The following PTK2 variants were observed in gnomAD, a reference collection of about 807,000 sequenced individuals.
PTK2 encodes the protein focal adhesion kinase 1.
In PTK2, 45 loss-of-function variants were observed where a neutral mutation model predicts 150.1. That is an observed-to-expected ratio of 0.30 (90% CI 0.24 to 0.38). The LOEUF is 0.38. Ranked by LOEUF, PTK2 falls within the 10% of genes least tolerant of loss-of-function variation. The pLI, the probability that PTK2 is intolerant of heterozygous loss-of-function variation, is 1.00. For synonymous variants in PTK2, 432 were observed against 449.2 expected (o/e 0.96, Z 0.48); for missense variants, 919 against 1,307.3 (o/e 0.70, Z 4.58).
At chr8:140,818,543 G>A (rs116325479) in intron 9 of PTK2, among the ~76,000 whole-genome samples, 189 bp from the exon 10 acceptor site, 73 of 152,312 alleles carry the variant, frequency 4.8e-4, no homozygotes, top group African/African-American at 1.7e-3. Flanking sequence ...TGCACAAAGT[G>A]CACTGTGCTT....
At chr8:140,949,143 T>C (rs1335291068) in intron 1 of PTK2, among the ~76,000 whole-genome samples, 1 of 152,196 alleles carries the variant, frequency 6.6e-6, no homozygotes, top group Admixed American at 6.5e-5. Flanking sequence ...TTAATATTTC[T>C]ATATTTCTTA....
intron 1 of PTK2, among the ~76,000 whole-genome samples, chr8:140,971,108 T>G (rs746342662): frequency 5.3e-5 from 8 of 152,186 alleles, no homozygotes; most frequent in Non-Finnish European, 8.8e-5. Flanking sequence ...TCTCTAAGAA[T>G]AGTCTGTGTG....
chr8:140,686,553 G>T, intron 27 of PTK2, 79 bp downstream of exon 30: 1 of 1,078,836 alleles, frequency 9.3e-7, no homozygotes, highest in South Asian at 1.3e-5. Flanking sequence ...TAGTAAACTT[G>T]GATATATTGT....
intron 1 of PTK2, among the ~76,000 whole-genome samples, chr8:140,974,320 T>C (rs886589658): frequency 1.3e-5 from 2 of 152,244 alleles, no homozygotes; most frequent in African/African-American, 4.8e-5. Flanking sequence ...TTTATGGTAC[T>C]GGTGTATCCT....
intron 1 of PTK2, among the ~76,000 whole-genome samples, chr8:140,927,013 C>T (rs2100169706): frequency 1.3e-5 from 2 of 152,092 alleles, no homozygotes; most frequent in Admixed American, 1.3e-4. Flanking sequence ...GCTGTAATTG[C>T]TTTTTTCTTA....
intron 1 of PTK2, among the ~76,000 whole-genome samples, chr8:140,953,737 A>G (rs2100180279): frequency 6.6e-6 from 1 of 152,204 alleles, no homozygotes; most frequent in Non-Finnish European, 1.5e-5. Flanking sequence ...CAAGAGCACA[A>G]CACTGTGAAG....
intron 1 of PTK2, among the ~76,000 whole-genome samples, chr8:140,963,646 G>A (rs1013338696): frequency 1.3e-5 from 2 of 152,108 alleles, no homozygotes; most frequent in African/African-American, 4.8e-5. Flanking sequence ...TATGTCAACC[G>A]CTCAAAAGTC....
rs749495547 is a variant in PTK2, at chr8:140,674,397, T to G, written c.2610A>C (p.Ala870=). Residue 870 remains alanine (A), a synonymous_variant, in exon 29 of 32, where the codon GCA becomes GCC. Coordinates refer to ENST00000522684, the Ensembl canonical transcript of PTK2. ...GGCGAGGCGGTTTCTTTGGTGGAGCTGCAGGATCTGGTGAGAGAGAATGAT... is the reference window on the plus strand; with the variant it reads ...GGCGAGGCGGTTTCTTTGGTGGAGCGGCAGGATCTGGTGAGAGAGAATGAT... The G allele has an allele frequency of 1.9e-6, 3 of 1,592,670 alleles. No homozygotes were observed. In the African/African-American group the frequency reaches 4.0e-5, roughly 21 times the overall value.
intron 1 of PTK2, among the ~76,000 whole-genome samples, chr8:140,937,602 C>G (rs960816781): frequency 6.9e-6 from 1 of 145,632 alleles, no homozygotes; most frequent in Non-Finnish European, 1.5e-5. Flanking sequence ...AAAAAAAACA[C>G]AAAAAAACAA....
intron 17 of PTK2, chr8:140,751,935 A>G (rs980892323): frequency 1.8e-6 from 1 of 560,364 alleles, no homozygotes; most frequent in African/African-American, 1.9e-5. Context: ...CAGCATCAAC[A>G]TTAGGATCAC....
chr8:140,836,557 G>A (rs1443264528), intron 7 of PTK2, among the ~76,000 whole-genome samples: 2 of 152,180 alleles, frequency 1.3e-5, no homozygotes, highest in African/African-American at 4.8e-5. Context: ...ATCAATTCCT[G>A]CCAAATCTAC....
chr8:140,913,959 A>G (rs1456737624), intron 2 of PTK2, among the ~76,000 whole-genome samples: 1 of 152,232 alleles, frequency 6.6e-6, no homozygotes, highest in Non-Finnish European at 1.5e-5. Flanking sequence ...GTATCACCAA[A>G]TGAACCAAAG....
chr8:140,702,121 C>T (rs371721242), intron 25 of PTK2, among the ~76,000 whole-genome samples: 30 of 73,946 alleles, frequency 4.1e-4, no homozygotes, highest in African/African-American at 1.7e-3. Flanking sequence ...GAGTAAGACT[C>T]TGTCTCCAAA....
chr8:140,777,420 C>T (rs1177914576), intron 14 of PTK2, among the ~76,000 whole-genome samples: 1 of 152,250 alleles, frequency 6.6e-6, no homozygotes, highest in Admixed American at 6.5e-5. Context: ...AGAGCTCACT[C>T]ATCACCAAAG....
chr8:140,681,640 G>A (rs962969109), intron 27 of PTK2, among the ~76,000 whole-genome samples: 3 of 152,024 alleles, frequency 2.0e-5, no homozygotes, highest in East Asian at 1.9e-4. Context: ...AGCCGGGCGT[G>A]GTGGCGGGCG....
chr8:140,826,741 C>T (rs1230326952), intron 8 of PTK2, among the ~76,000 whole-genome samples: 3 of 151,950 alleles, frequency 2.0e-5, no homozygotes, highest in South Asian at 2.1e-4. Flanking sequence ...ATGGTAAAAC[C>T]GTGTCTCTAC....
At chr8:140,740,410 G>C (rs2100055010) in intron 20 of PTK2, among the ~76,000 whole-genome samples, 2 of 152,188 alleles carry the variant, frequency 1.3e-5, no homozygotes, top group African/African-American at 4.8e-5. Flanking sequence ...GAAGAGCATG[G>C]AGCATGAGCG....
Position 140,962,930 on chromosome 8 carries a change from C to T in PTK2, c.-121-37181G>A, listed in dbSNP as rs373788585. Among the ~76,000 whole-genome samples the T allele has an allele frequency of 1.4e-4, 21 of 151,998 alleles. No individual in the cohort carries two copies. In the East Asian group the frequency reaches 2.9e-3, roughly 21 times the overall value. On this transcript the variant is annotated intron_variant, in intron 1 of 31. Transcript: ENST00000522684. ...CTCTGCTTGCCCTTTAAGTGCTCTC[C>T]TGGGGACCCTATTCTTTGTGTTAAG...
At chr8:140,988,305 A>G (rs2100194139) in intron 1 of PTK2, among the ~76,000 whole-genome samples, 1 of 152,254 alleles carries the variant, frequency 6.6e-6, no homozygotes, top group South Asian at 2.1e-4. Context: ...GGTCAAGAAC[A>G]GCCAAGGTAC....
Sources: gnomAD v4.1 joint callset for allele counts (sites outside exome capture counted in the v4.1 genomes callset) on GRCh38, gnomAD v4.1.1 for gene constraint, MANE v1.5 for transcripts, NCBI Gene and HGNC (gene_info 2026-07-23, HGNC 2026-07-21) for gene names.